The following CTNNA3 variants were observed in gnomAD, a reference collection of about 807,000 sequenced individuals.
CTNNA3 encodes catenin alpha-3.
Under a neutral mutation model 95.7 loss-of-function variants are expected in CTNNA3, and 76 were observed. The observed-to-expected ratio is 0.79, with a 90% CI of 0.66 to 0.96. The LOEUF (loss-of-function observed/expected upper bound fraction) is 0.96, where lower values mean the gene tolerates loss of function less well. CTNNA3 is among the 40% of genes least tolerant of loss of function. The pLI is 0.00. For missense variants in CTNNA3, 1,191 were observed against 1,089.8 expected (o/e 1.09, Z -1.31); for synonymous variants, 431 against 374.4 (o/e 1.15, Z -1.74).
intron 7 of CTNNA3, chr10:66,926,668 A>C (rs1409796414): frequency 6.7e-7 from 1 of 1,499,748 alleles, no homozygotes; most frequent in Non-Finnish European, 9.3e-7. Context: ...TTCTGCCTTA[A>C]TTATTTTAGA....
chr10:67,453,759 T>C (rs1185675067), intron 5 of CTNNA3, among the ~76,000 whole-genome samples: 1 of 152,202 alleles, frequency 6.6e-6, no homozygotes, highest in Non-Finnish European at 1.5e-5. Context: ...TGAATAAATA[T>C]AGCATGGCTG....
At chr10:66,685,307 A>ATG (rs1425366133) in intron 9 of CTNNA3, among the ~76,000 whole-genome samples, 5 of 60,906 alleles carry the variant, frequency 8.2e-5, no homozygotes, top group East Asian at 7.7e-4. Context: ...GTGTATATAT[A>ATG]TGTGTGTGTG....
chr10:67,114,552 CT>C (rs1227154757), intron 7 of CTNNA3, among the ~76,000 whole-genome samples: 9 of 152,006 alleles, frequency 5.9e-5, no homozygotes, highest in Non-Finnish European at 1.3e-4. Context: ...TTTTGTTATA[CT>C]ATAAATATGG....
intron 4 of CTNNA3, among the ~76,000 whole-genome samples, chr10:67,522,606 G>A (rs1243295494): frequency 6.6e-6 from 1 of 151,832 alleles, no homozygotes; most frequent in African/African-American, 2.4e-5. Flanking sequence ...ATGAGCAGAT[G>A]AGTTATGATC....
intron 17 of CTNNA3, among the ~76,000 whole-genome samples, chr10:65,961,392 C>T (rs148930767): frequency 6.8e-4 from 104 of 152,202 alleles, no homozygotes; most frequent in African/African-American, 2.3e-3. Flanking sequence ...ATGCAAAACC[C>T]AATGTGTACT....
intron 12 of CTNNA3, among the ~76,000 whole-genome samples, chr10:66,349,899 C>T (rs1224527777): frequency 6.6e-6 from 1 of 152,180 alleles, no homozygotes; most frequent in South Asian, 2.1e-4. Context: ...TTCTCAGTCA[C>T]CCCATCACCA....
intron 3 of CTNNA3, among the ~76,000 whole-genome samples, chr10:67,559,003 G>A (rs1841369314): frequency 6.6e-6 from 1 of 152,218 alleles, no homozygotes; most frequent in Non-Finnish European, 1.5e-5. Context: ...ACTGGGTGGA[G>A]CCCACCACAG....
chr10:66,160,558 G>A (rs1009144075), intron 13 of CTNNA3, among the ~76,000 whole-genome samples: 18 of 151,878 alleles, frequency 1.2e-4, no homozygotes, highest in African/African-American at 4.1e-4. Context: ...TTGATATAAT[G>A]TCAATTTTCT....
At chr10:66,648,129 G>A (rs1267088615) in intron 9 of CTNNA3, among the ~76,000 whole-genome samples, 1 of 151,986 alleles carries the variant, frequency 6.6e-6, no homozygotes, top group African/African-American at 2.4e-5. Flanking sequence ...TCCTCCATTG[G>A]CCTAACAGCT....
intron 5 of CTNNA3, among the ~76,000 whole-genome samples, chr10:67,488,814 C>T (rs186307937): frequency 3.4e-3 from 512 of 152,094 alleles, no homozygotes; most frequent in Admixed American, 5.6e-3. Flanking sequence ...GGACTACAGG[C>T]GCATGCCACC....
chr10:66,163,563 T>C (rs991033688), intron 13 of CTNNA3, among the ~76,000 whole-genome samples: 5 of 152,166 alleles, frequency 3.3e-5, no homozygotes, highest in African/African-American at 1.2e-4. Context: ...ATTTGCAGTG[T>C]CTCCCACGTT....
chr10:66,141,614 G>A (rs966717247), intron 13 of CTNNA3, among the ~76,000 whole-genome samples: 17 of 152,112 alleles, frequency 1.1e-4, no homozygotes, highest in African/African-American at 4.1e-4. Flanking sequence ...GAGATTTGGA[G>A]GGATGAGGTA....
chr10:66,654,282 A>G (rs1288293363), intron 9 of CTNNA3, among the ~76,000 whole-genome samples: 2 of 152,086 alleles, frequency 1.3e-5, no homozygotes, highest in East Asian at 3.9e-4. Context: ...AATTAAAAAA[A>G]TAGGCAAAAT....
intron 13 of CTNNA3, among the ~76,000 whole-genome samples, chr10:66,104,609 C>T (rs1378831230): frequency 6.6e-6 from 1 of 152,202 alleles, no homozygotes; most frequent in Non-Finnish European, 1.5e-5. Flanking sequence ...ATCCTCCCTG[C>T]TTCTGAGTCT....
chr10:67,429,911 A>G (rs1292497275), intron 5 of CTNNA3, among the ~76,000 whole-genome samples: 3 of 152,010 alleles, frequency 2.0e-5, no homozygotes, highest in African/African-American at 4.8e-5. Flanking sequence ...TGTGCTGAGA[A>G]AAAAAGATCT....
chr10:67,550,193 A>T (rs1045497125), intron 3 of CTNNA3, among the ~76,000 whole-genome samples: 1 of 152,220 alleles, frequency 6.6e-6, no homozygotes. Flanking sequence ...AATTTGACCC[A>T]GCAGTCTTTC....
At chr10:67,110,380 C>G (rs1172132175) in intron 7 of CTNNA3, among the ~76,000 whole-genome samples, 1 of 151,998 alleles carries the variant, frequency 6.6e-6, no homozygotes, top group Non-Finnish European at 1.5e-5. Context: ...AATCAATATG[C>G]TTTTTATTTC....
chr10:66,946,553 A>T (rs985591617), intron 7 of CTNNA3, among the ~76,000 whole-genome samples: 6 of 152,114 alleles, frequency 3.9e-5, no homozygotes, highest in African/African-American at 1.4e-4. Flanking sequence ...CACTATTCCC[A>T]TACCCAAGGT....
At chr10:67,061,494 C>G (rs1312821600) in intron 7 of CTNNA3, among the ~76,000 whole-genome samples, 1 of 152,146 alleles carries the variant, frequency 6.6e-6, no homozygotes, top group African/African-American at 2.4e-5. Context: ...CTCTTCTTAT[C>G]TCTGTTCTGC....
Sources: allele counts gnomAD v4.1 joint callset (sites outside exome capture counted in the v4.1 genomes callset), GRCh38; gene constraint gnomAD v4.1.1; transcripts MANE v1.5; gene names NCBI Gene and HGNC (gene_info 2026-07-23, HGNC 2026-07-21).